The following ANK3 variants were observed in gnomAD, a reference collection of about 807,000 sequenced individuals.
ANK3 encodes the protein ankyrin 3.
ANK3 carries 57 observed loss-of-function variants against 370.9 expected under a neutral mutation model. The ratio of observed to expected loss-of-function variants is 0.15; its 90% CI spans 0.12 to 0.19. The LOEUF is 0.19. Ranked by LOEUF, ANK3 falls within the 10% of genes least tolerant of loss-of-function variation. ANK3 has a pLI of 1.00. For missense variants in ANK3, 4,439 were observed against 5,302.1 expected, an observed-to-expected ratio of 0.84 and a Z score of 5.06; for synonymous variants, 1,929 against 1,946.3, an observed-to-expected ratio of 0.99 and a Z score of 0.23.
chr10:60,533,318 A>C (rs779409970), intron 2 of ANK3, among the ~76,000 whole-genome samples: 2 of 152,134 alleles, frequency 1.3e-5, no homozygotes, highest in Non-Finnish European at 2.9e-5. Context: ...GTTTGGATCA[A>C]GGAAGCTGTC....
At chr10:60,466,543 T>C (rs954028078) in intron 2 of ANK3, among the ~76,000 whole-genome samples, 1 of 152,200 alleles carries the variant, frequency 6.6e-6, no homozygotes, top group Non-Finnish European at 1.5e-5. Context: ...AGTTACTATT[T>C]GACCTAGCCA....
chr10:60,667,684 C>CTTCCT (rs1485507329), intron 1 of ANK3, among the ~76,000 whole-genome samples: 3 of 151,422 alleles, frequency 2.0e-5, no homozygotes, highest in African/African-American at 7.4e-5. Context: ...TCCTCCACTC[C>CTTCCT]TTCCTTTCCT....
chr10:60,333,679 G>A (rs2052035204), intron 1 of ANK3, among the ~76,000 whole-genome samples: 2 of 152,128 alleles, frequency 1.3e-5, no homozygotes, highest in Admixed American at 6.5e-5. Flanking sequence ...GGATTGCTGG[G>A]TCAAATGGTA....
At chr10:60,522,384 C>T (rs1239558201) in intron 2 of ANK3, among the ~76,000 whole-genome samples, 1 of 148,970 alleles carries the variant, frequency 6.7e-6, no homozygotes, top group Admixed American at 6.7e-5. Context: ...TGCTTTTGGG[C>T]CAGATTTCTG....
chr10:60,448,822 G>A (rs538673159), intron 2 of ANK3, among the ~76,000 whole-genome samples: 1 of 152,202 alleles, frequency 6.6e-6, no homozygotes, highest in Non-Finnish European at 1.5e-5. Flanking sequence ...CTCTCCAACT[G>A]AGCAAACACA....
At chr10:60,206,676 C>A (rs1463738750) in intron 10 of ANK3, among the ~76,000 whole-genome samples, 3 of 152,310 alleles carry the variant, frequency 2.0e-5, no homozygotes, top group East Asian at 1.9e-4. Context: ...TAGGTGTTTA[C>A]TCCAAGCATG....
chr10:60,149,258 T>G (rs2094974757), intron 23 of ANK3, among the ~76,000 whole-genome samples: 1 of 152,128 alleles, frequency 6.6e-6, no homozygotes, highest in African/African-American at 2.4e-5. Context: ...CTCCTCTCAC[T>G]CCTCTTGCTC....
chr10:60,660,925 C>T (rs1347625778), intron 1 of ANK3, among the ~76,000 whole-genome samples: 3 of 151,976 alleles, frequency 2.0e-5, no homozygotes, highest in African/African-American at 4.8e-5. Context: ...CACTCACACA[C>T]ACACACACAC....
chr10:60,291,751 CCAGA>C (rs1025404844), intron 1 of ANK3, among the ~76,000 whole-genome samples: 2 of 151,982 alleles, frequency 1.3e-5, no homozygotes, highest in African/African-American at 4.8e-5. Flanking sequence ...TTTTTTACCC[CCAGA>C]CAGTCTGTCT....
chr10:60,572,654 G>A (rs1030566738), intron 2 of ANK3: 4 of 1,452,026 alleles, frequency 2.8e-6, no homozygotes, highest in Non-Finnish European at 3.6e-6. Context: ...AGGCAAAGCA[G>A]CCGCTGCTTA....
chr10:60,592,123 T>C (rs927701235), intron 2 of ANK3, among the ~76,000 whole-genome samples: 1 of 152,180 alleles, frequency 6.6e-6, no homozygotes, highest in African/African-American at 2.4e-5. Context: ...AGGGGATGGA[T>C]ACACCATTCT....
chr10:60,573,618 G>T (rs886600873), intron 2 of ANK3, among the ~76,000 whole-genome samples: 1 of 152,096 alleles, frequency 6.6e-6, no homozygotes, highest in African/African-American at 2.4e-5. Flanking sequence ...CACCTGGGTG[G>T]AAACCCCCTC....
chr10:60,676,642 C>T (rs911169608), intron 1 of ANK3, among the ~76,000 whole-genome samples: 10 of 152,034 alleles, frequency 6.6e-5, no homozygotes, highest in Middle Eastern at 3.2e-3. Context: ...CCTTCAATGT[C>T]GTGTTGAAAA....
chr10:60,456,487 A>G (rs968754720), intron 2 of ANK3, among the ~76,000 whole-genome samples: 3 of 152,162 alleles, frequency 2.0e-5, no homozygotes, highest in African/African-American at 7.2e-5. Flanking sequence ...TCACAGAGGG[A>G]GGAAATACAC....
chr10:60,116,719 A>C (rs1337401291), intron 25 of ANK3, among the ~76,000 whole-genome samples: 1 of 152,056 alleles, frequency 6.6e-6, no homozygotes, highest in East Asian at 1.9e-4. Flanking sequence ...AGAAAGCAAA[A>C]GATAAGTTCA....
chr10:60,353,194 T>C (rs1422880325), intron 1 of ANK3, among the ~76,000 whole-genome samples: 9 of 150,464 alleles, frequency 6.0e-5, no homozygotes, highest in African/African-American at 2.2e-4. Context: ...GGTTTCACTA[T>C]GTTGCGCAGG....
At chr10:60,230,110 GAA>G (rs1198041411) in intron 8 of ANK3, among the ~76,000 whole-genome samples, 1 of 152,154 alleles carries the variant, frequency 6.6e-6, no homozygotes, top group Non-Finnish European at 1.5e-5. Context: ...AGGAGTCAGT[GAA>G]AAGAGATAGA....
chr10:60,287,980 C>G (rs1334861308), intron 1 of ANK3, among the ~76,000 whole-genome samples: 3 of 152,194 alleles, frequency 2.0e-5, no homozygotes, highest in Admixed American at 2.0e-4. Context: ...ACTTCTATGG[C>G]ATAGGCTCAC....
At chr10:60,598,162 C>A (rs778215398) in intron 2 of ANK3, among the ~76,000 whole-genome samples, 1 of 152,136 alleles carries the variant, frequency 6.6e-6, no homozygotes, top group Admixed American at 6.6e-5. Flanking sequence ...TCTGTTACAT[C>A]GTAGCAGAAA....
Sources: gnomAD v4.1 joint callset for allele counts (sites outside exome capture counted in the v4.1 genomes callset) on GRCh38, gnomAD v4.1.1 for gene constraint, MANE v1.5 for transcripts, NCBI Gene and HGNC (gene_info 2026-07-23, HGNC 2026-07-21) for gene names.